The following GFPT1 variants were observed in gnomAD, a reference collection of about 807,000 sequenced individuals.
GFPT1 encodes the protein glutamine--fructose-6-phosphate transaminase 1, also known as glutamine--fructose-6-phosphate aminotransferase [isomerizing] 1.
A neutral mutation model predicts 92.0 loss-of-function variants in GFPT1; 40 were observed. The observed-to-expected ratio is 0.43, with a 90% confidence interval of 0.34 to 0.57. GFPT1 has a LOEUF of 0.57. Among genes scored for constraint, GFPT1 ranks in the 20% least tolerant of loss-of-function variants. The pLI, the probability that GFPT1 is intolerant of heterozygous loss-of-function variation, is 0.02. For missense variants in GFPT1, 448 were observed against 869.1 expected, an observed-to-expected ratio of 0.52 and a Z score of 6.09; for synonymous variants, 269 against 280.6, an observed-to-expected ratio of 0.96 and a Z score of 0.41.
At chr2:69,359,004 G>A (rs1488244502) in intron 5 of GFPT1, among the ~76,000 whole-genome samples, 1 of 152,136 alleles carries the variant, frequency 6.6e-6, no homozygotes, top group Non-Finnish European at 1.5e-5. Context: ...TGCAAAAAAT[G>A]TCTCCACAAA....
chr2:69,346,948 C>A (rs1034576805), intron 11 of GFPT1, among the ~76,000 whole-genome samples: 21 of 151,916 alleles, frequency 1.4e-4, no homozygotes, highest in African/African-American at 5.1e-4. Context: ...CTCACTCTGT[C>A]GCCCAGGCTG....
intron 15 of GFPT1, among the ~76,000 whole-genome samples, chr2:69,332,791 T>C (rs969932039): frequency 7.2e-5 from 11 of 152,176 alleles, no homozygotes; most frequent in African/African-American, 2.7e-4. Context: ...GGGGTGTGTG[T>C]GTGCGCGCGC....
At chr2:69,383,480 A>G (rs1672057680) in intron 1 of GFPT1, among the ~76,000 whole-genome samples, 1 of 152,202 alleles carries the variant, frequency 6.6e-6, no homozygotes, top group African/African-American at 2.4e-5. Flanking sequence ...GCATCCCTCA[A>G]TTATCTCCAA....
intron 1 of GFPT1, among the ~76,000 whole-genome samples, chr2:69,378,262 T>C (rs1671927525): frequency 6.6e-6 from 1 of 152,194 alleles, no homozygotes; most frequent in Admixed American, 6.5e-5. Context: ...CGCCTCAGCC[T>C]CCCAAAGTGC....
At position 69,361,479 on chromosome 2, in the gene GFPT1, G is replaced by A. The variant is rs1422974610; in HGVS notation, c.349+2066C>T. ...AAAAAAAAAAAAAAACTTCATGCTA[G>A]AACAAAGAGATTAATAAACAGCTAA... On this transcript the variant is annotated intron_variant, in intron 4 of 19. Coordinates refer to ENST00000357308, the MANE Select transcript of GFPT1 (RefSeq NM_001244710.2). Among the ~76,000 whole-genome samples, 3 of 147,948 alleles carry A rather than the reference G, an allele frequency of 2.0e-5. No individual in the cohort carries two copies. The East Asian group carries it at 5.9e-4, about 29-fold the overall frequency.
intron 2 of GFPT1, among the ~76,000 whole-genome samples, chr2:69,371,853 A>G (rs1224785494): frequency 3.3e-5 from 5 of 151,738 alleles, no homozygotes. Context: ...ATAAAAATTA[A>G]AAATAAATAA....
At chr2:69,365,782 G>A (rs1671595871) in intron 3 of GFPT1, among the ~76,000 whole-genome samples, 1 of 152,072 alleles carries the variant, frequency 6.6e-6, no homozygotes, top group Non-Finnish European at 1.5e-5. Context: ...ACAGGCCAAT[G>A]CAAGAAATGA....
chr2:69,374,319 CTT>C (rs5831970), intron 1 of GFPT1, among the ~76,000 whole-genome samples: 1 of 144,286 alleles, frequency 6.9e-6, no homozygotes. Context: ...ATAATTTTTT[CTT>C]TTTTTTTTTT....
chr2:69,354,474 T>C lies in GFPT1; in HGVS notation c.685+15A>G, dbSNP rs754593037. 7.3e-6 allele frequency: 11 copies of C among 1,500,178 alleles called. No individual in the cohort carries two copies. In the African/African-American group the frequency reaches 1.2e-4, roughly 17 times the overall value. The allele number at this position is 1,500,178 out of a possible 1,614,324, so 92.9% of individuals were successfully genotyped here. On this transcript the variant is annotated intron_variant, in intron 8 of 19. Transcript: ENST00000357308. ...CTTCATATCTACTGCACTGCATTTG[T>C]AGAGGTAATTTTACCTGTTCTGTAG... is the stretch of plus-strand genomic sequence containing the variant.
chr2:69,382,899 A>G (rs973321277), intron 1 of GFPT1, among the ~76,000 whole-genome samples: 1 of 152,198 alleles, frequency 6.6e-6, no homozygotes, highest in South Asian at 2.1e-4. Flanking sequence ...TGACATGGCA[A>G]TGAACAAGGA....
chr2:69,377,273 TCAA>T (rs1671895208), intron 1 of GFPT1, among the ~76,000 whole-genome samples: 1 of 149,782 alleles, frequency 6.7e-6, no homozygotes, highest in Non-Finnish European at 1.5e-5. Context: ...ATAATGTAAC[TCAA>T]CAACAGCATT....
chr2:69,348,611 G>A (rs1197576787), intron 10 of GFPT1, among the ~76,000 whole-genome samples: 1 of 152,076 alleles, frequency 6.6e-6, no homozygotes, highest in African/African-American at 2.4e-5. Context: ...CCATTACCAA[G>A]TCCTGAAATT....
At chr2:69,333,994 A>G (rs1188984947) in intron 15 of GFPT1, among the ~76,000 whole-genome samples, 1 of 152,142 alleles carries the variant, frequency 6.6e-6, no homozygotes, top group African/African-American at 2.4e-5. Flanking sequence ...AGTCTCTACT[A>G]AAAATACAAA....
intron 18 of GFPT1, among the ~76,000 whole-genome samples, chr2:69,327,610 T>C (rs1266862505): frequency 6.6e-6 from 1 of 152,196 alleles, no homozygotes; most frequent in East Asian, 1.9e-4. Context: ...TAGCTGGGAC[T>C]ACAGTCATGT....
chr2:69,347,587 C>T (rs186615880), intron 11 of GFPT1, among the ~76,000 whole-genome samples: 1 of 151,692 alleles, frequency 6.6e-6, no homozygotes, highest in Non-Finnish European at 1.5e-5. Context: ...AAGCCATTCT[C>T]CTGCCTCAGC....
chr2:69,354,232 C>G lies in GFPT1; in HGVS notation c.739+27G>C, dbSNP rs766495214. On this transcript the variant is annotated intron_variant, in intron 9 of 19. Transcript: ENST00000357308. ...ATAAACAAAAGAGGATAAGATCCTC[C>G]CCATCCATGCAGAGTGCATTTCCCA... is the stretch of plus-strand genomic sequence containing the variant. The G allele has an allele frequency of 4.0e-6, 6 of 1,501,746 alleles. No homozygotes were observed. The African/African-American group carries it at 8.2e-5, about 21-fold the overall frequency. 93.0% of individuals were successfully genotyped at this position (1,501,746 alleles called of 1,614,324 possible).
At position 69,323,247 on chromosome 2, in the gene GFPT1, T is replaced by C. The variant is rs1178037866; in HGVS notation, c.*2942A>G. 1 of 152,220 alleles carries C rather than the reference T, an allele frequency of 6.6e-6. No individual in the cohort carries two copies. The highest frequency in any genetic ancestry group is 1.5e-5 in the Non-Finnish European group (1 of 68,032). The allele number at this position is 152,220 out of a possible 1,614,324, so 9.4% of individuals were successfully genotyped here. On this transcript the variant is annotated 3_prime_UTR_variant, in exon 20 of 20. Transcript: ENST00000357308. The stretch of plus-strand genomic sequence containing the variant: ...GCTCAAAGGAACTCTCAGTTATACA[T>C]GAGTGAATTAAAACTTTAAATGTAC...
chr2:69,333,939 C>T (rs1190516561), intron 15 of GFPT1, among the ~76,000 whole-genome samples: 12 of 152,038 alleles, frequency 7.9e-5, no homozygotes, highest in African/African-American at 2.9e-4. Flanking sequence ...GGGTGGATCA[C>T]GTGGTCAGGA....
chr2:69,352,318 T>TA (rs1374234010), intron 9 of GFPT1, among the ~76,000 whole-genome samples: 1 of 151,106 alleles, frequency 6.6e-6, no homozygotes, highest in Non-Finnish European at 1.5e-5. Context: ...CTCAGCATTT[T>TA]AAAAAAATAA....
Sources: allele counts gnomAD v4.1 joint callset (sites outside exome capture counted in the v4.1 genomes callset), GRCh38; gene constraint gnomAD v4.1.1; transcripts MANE v1.5; gene names NCBI Gene and HGNC (gene_info 2026-07-23, HGNC 2026-07-21).